ITFG1: variants seen among roughly 807,000 people sequenced by gnomAD.
The protein encoded by ITFG1 is T-cell immunomodulatory protein.
ITFG1 carries 34 observed loss-of-function variants against 81.8 expected under a neutral mutation model. The observed-to-expected ratio is 0.42, with a 90% CI of 0.32 to 0.55. The LOEUF (loss-of-function observed/expected upper bound fraction) is 0.55, where lower values mean the gene tolerates loss of function less well. Among genes scored for constraint, ITFG1 ranks in the 20% least tolerant of loss-of-function variants. ITFG1 has a pLI of 0.17. For synonymous variants in ITFG1, 285 were observed against 270.6 expected, an observed-to-expected ratio of 1.05 and a Z score of -0.52; for missense variants, 672 against 755.4, an observed-to-expected ratio of 0.89 and a Z score of 1.29.
chr16:47,289,521 T>C lies in ITFG1; in HGVS notation c.1070+21719A>G, dbSNP rs142403765. Among the ~76,000 whole-genome samples the C allele has an allele frequency of 1.2e-4, 19 of 152,318 alleles. No individual in the cohort carries two copies. In the East Asian group the frequency reaches 3.7e-3, roughly 29 times the overall value. On this transcript the variant is annotated intron_variant, in intron 10 of 17. Coordinates refer to ENST00000320640, the MANE Select transcript of ITFG1 (RefSeq NM_030790.5). ...GGGACATTTTATTCAGGATTAAATC[T>C]CATTACTTCTAATTGGTCTGTTCAG...
chr16:47,451,712 T>C lies in ITFG1; in HGVS notation c.486-242A>G, dbSNP rs116398644. On this transcript the variant is annotated intron_variant, in intron 4 of 17. Transcript: ENST00000320640. ...GGCTTGCCATGGCAATGAGAAGGCA[T>C]TGTGATTCAGATGGACTAGCTACAA... Among the ~76,000 whole-genome samples the C allele has an allele frequency of 2.4e-3, 362 of 152,276 alleles. 2 individuals carry two copies. The highest frequency in any genetic ancestry group is 7.8e-3 in the African/African-American group (324 of 41,578).
At chr16:47,424,216 G>A (rs1023943578) in intron 6 of ITFG1, among the ~76,000 whole-genome samples, 54 of 152,136 alleles carry the variant, frequency 3.5e-4, no homozygotes, top group African/African-American at 1.2e-3. Flanking sequence ...CCACTTGATC[G>A]AATCAGCTAT....
At chr16:47,190,686 A>G (rs2151517382) in intron 14 of ITFG1, among the ~76,000 whole-genome samples, 1 of 152,256 alleles carries the variant, frequency 6.6e-6, no homozygotes, top group East Asian at 1.9e-4. Flanking sequence ...AAATTTGCTT[A>G]TATTTGGCTC....
intron 10 of ITFG1, among the ~76,000 whole-genome samples, chr16:47,281,247 C>T (rs1329290195): frequency 6.6e-6 from 1 of 152,132 alleles, no homozygotes; most frequent in Non-Finnish European, 1.5e-5. Context: ...TCACTGGGCA[C>T]ACAAGTGGTA....
At chr16:47,385,779 T>C (rs556283766) in intron 6 of ITFG1, among the ~76,000 whole-genome samples, 5 of 152,334 alleles carry the variant, frequency 3.3e-5, no homozygotes, top group African/African-American at 9.6e-5. Flanking sequence ...TCTTTTTTAA[T>C]GTCAAAGGGC....
At chr16:47,294,987 G>A (rs999007739) in intron 10 of ITFG1, among the ~76,000 whole-genome samples, 1 of 152,114 alleles carries the variant, frequency 6.6e-6, no homozygotes. Flanking sequence ...GTATGATGTT[G>A]ATTGTGGGTT....
At chr16:47,243,874 T>C (rs1965966008) in intron 12 of ITFG1, among the ~76,000 whole-genome samples, 1 of 152,058 alleles carries the variant, frequency 6.6e-6, no homozygotes, top group South Asian at 2.1e-4. Flanking sequence ...GTACTAAAAA[T>C]ACAAAAATCA....
intron 10 of ITFG1, among the ~76,000 whole-genome samples, chr16:47,293,597 A>G (rs1209515219): frequency 6.6e-6 from 1 of 151,966 alleles, no homozygotes; most frequent in African/African-American, 2.4e-5. Context: ...CGTATCTCTG[A>G]GGGTTAGTAA....
At chr16:47,235,119 T>C (rs535638105) in intron 13 of ITFG1, among the ~76,000 whole-genome samples, 2 of 152,134 alleles carry the variant, frequency 1.3e-5, no homozygotes, top group East Asian at 3.9e-4. Flanking sequence ...TACAGAGGGG[T>C]AGTGCCAATA....
Position 47,235,090 on chromosome 16 carries a change from C to G in ITFG1, c.1374+2875G>C, listed in dbSNP as rs556358722. Reference sequence around the variant, plus strand: ...CCCAGTCATGGGTATTTCTTCATAGCAGCATGAGAACGGACTAATACAGAG... The same window carrying G: ...CCCAGTCATGGGTATTTCTTCATAGGAGCATGAGAACGGACTAATACAGAG... On this transcript the variant is annotated intron_variant, in intron 13 of 17. Transcript: ENST00000320640. Among the ~76,000 whole-genome samples the G allele has an allele frequency of 9.2e-5, 14 of 152,296 alleles. No individual in the cohort carries two copies. In the South Asian group the frequency reaches 2.7e-3, roughly 29 times the overall value.
intron 10 of ITFG1, among the ~76,000 whole-genome samples, chr16:47,303,322 C>T (rs1360333538): frequency 6.6e-6 from 1 of 151,832 alleles, no homozygotes; most frequent in African/African-American, 2.4e-5. Context: ...TATATTCTTT[C>T]CGTATAGTAT....
intron 5 of ITFG1, among the ~76,000 whole-genome samples, chr16:47,444,019 T>C (rs1969290443): frequency 1.3e-5 from 2 of 152,212 alleles, no homozygotes; most frequent in Non-Finnish European, 2.9e-5. Context: ...AAGCCAGTCC[T>C]TCCTATAAAA....
rs554161317 is a variant in ITFG1, at chr16:47,237,537, A to C, written c.1374+428T>G. Among the ~76,000 whole-genome samples the C allele has an allele frequency of 3.9e-5, 6 of 152,346 alleles. No homozygotes were observed. The East Asian group carries it at 1.2e-3, about 29-fold the overall frequency. ...CACTGAAACATTCTATTAGACAGCA[A>C]GTCAATATTAAGACTACACACAAAA... is the stretch of plus-strand genomic sequence containing the variant. On this transcript the variant is annotated intron_variant, in intron 13 of 17. Coordinates refer to ENST00000320640, the MANE Select transcript of ITFG1 (RefSeq NM_030790.5).
At chr16:47,386,170 G>A (rs1968458885) in intron 6 of ITFG1, among the ~76,000 whole-genome samples, 1 of 152,050 alleles carries the variant, frequency 6.6e-6, no homozygotes, top group African/African-American at 2.4e-5. Flanking sequence ...AGCATAACTG[G>A]GGGAAATTAT....
At chr16:47,408,459 A>C (rs905371776) in intron 6 of ITFG1, among the ~76,000 whole-genome samples, 2 of 152,214 alleles carry the variant, frequency 1.3e-5, no homozygotes, top group Admixed American at 1.3e-4. Context: ...AAGGCCATGT[A>C]AAGTGATATC....
intron 8 of ITFG1, among the ~76,000 whole-genome samples, chr16:47,359,033 T>TG (rs1968076078): frequency 6.6e-6 from 1 of 151,508 alleles, no homozygotes; most frequent in Admixed American, 6.6e-5. Flanking sequence ...AACCAGAAGG[T>TG]GGTATGGGGG....
intron 8 of ITFG1, among the ~76,000 whole-genome samples, chr16:47,355,490 G>A (rs764070299): frequency 6.6e-6 from 1 of 152,110 alleles, no homozygotes. Flanking sequence ...ATAGGTAGCT[G>A]TGATGTATTG....
At chr16:47,260,444 T>C in intron 11 of ITFG1, 101 bp downstream of exon 11, 2 of 1,264,258 alleles carry the variant, frequency 1.6e-6, no homozygotes, top group Non-Finnish European at 2.2e-6. Context: ...ATTTGCTTTT[T>C]GTTGTGTTGT....
At position 47,374,059 on chromosome 16, in the gene ITFG1, A is replaced by C. The variant is rs958221071; in HGVS notation, c.720+1817T>G. On this transcript the variant is annotated intron_variant, in intron 7 of 17. Transcript: ENST00000320640. ...TGAGAACTCTGCTTAACTTATCCCA[A>C]CCACTACCCTGCCCAAGTAATTTCC... Among the ~76,000 whole-genome samples, 3 of 152,052 alleles carry C rather than the reference A, an allele frequency of 2.0e-5. No homozygotes were observed. The East Asian group carries it at 5.8e-4, about 29-fold the overall frequency.
Sources: allele counts gnomAD v4.1 joint callset (sites outside exome capture counted in the v4.1 genomes callset), GRCh38; gene constraint gnomAD v4.1.1; transcripts MANE v1.5; gene names NCBI Gene and HGNC (gene_info 2026-07-23, HGNC 2026-07-21).